Variants in NXPE4 observed in about 807,000 individuals in gnomAD.
The protein encoded by NXPE4 is neurexophilin and PC-esterase domain family member 4, also known as NXPE family member 4.
A neutral mutation model predicts 33.3 loss-of-function variants in NXPE4; 42 were observed. That is an observed-to-expected ratio of 1.26 (90% CI 0.98 to 1.63). The LOEUF (loss-of-function observed/expected upper bound fraction) is 1.63. Among genes scored for constraint, NXPE4 ranks in the 40% most tolerant of loss-of-function variants. NXPE4 has a pLI of 0.00. For synonymous variants in NXPE4, 253 were observed against 234.9 expected, an observed-to-expected ratio of 1.08 and a Z score of -0.71; for missense variants, 709 against 647.6, an observed-to-expected ratio of 1.09 and a Z score of -1.03.
the NXPE4 span, among the ~76,000 whole-genome samples, chr11:114,609,734 G>A: frequency 6.6e-6 from 1 of 151,138 alleles, no homozygotes; most frequent in Admixed American, 6.6e-5. Context: ...ATTGCCTCAT[G>A]GATAACCACT....
At chr11:114,671,279 G>C in the NXPE4 span, among the ~76,000 whole-genome samples, 1 of 151,224 alleles carries the variant, frequency 6.6e-6, no homozygotes, top group Non-Finnish European at 1.5e-5. Flanking sequence ...AATATAAATA[G>C]ATCTTTAGAG....
At chr11:114,591,163 A>G (rs1949442767) in intron 2 of NXPE4, among the ~76,000 whole-genome samples, 1 of 152,216 alleles carries the variant, frequency 6.6e-6, no homozygotes, top group Non-Finnish European at 1.5e-5. Flanking sequence ...GAATGATGTT[A>G]TTGAAAGTGC....
the NXPE4 span, among the ~76,000 whole-genome samples, chr11:114,609,462 G>A: frequency 7.2e-5 from 11 of 151,968 alleles, no homozygotes; most frequent in African/African-American, 2.4e-4. Context: ...TTACCCAATG[G>A]ATAATAAGTG....
the NXPE4 span, among the ~76,000 whole-genome samples, chr11:114,613,219 T>C: frequency 2.6e-4 from 39 of 151,958 alleles, no homozygotes; most frequent in African/African-American, 8.9e-4. Flanking sequence ...ATAATACTTG[T>C]TGCCTCGAGG....
the NXPE4 span, among the ~76,000 whole-genome samples, chr11:114,616,523 G>T: frequency 1.6e-4 from 24 of 150,498 alleles, no homozygotes; most frequent in Non-Finnish European, 2.2e-4. Context: ...TGTATTGTCT[G>T]GTGGGTAACC....
chr11:114,662,889 G>T, the NXPE4 span, among the ~76,000 whole-genome samples: 1 of 152,104 alleles, frequency 6.6e-6, no homozygotes, highest in East Asian at 1.9e-4. Flanking sequence ...TTGAATAACC[G>T]GCAGCAATAC....
the NXPE4 span, among the ~76,000 whole-genome samples, chr11:114,662,565 G>A: frequency 3.9e-5 from 6 of 152,080 alleles, no homozygotes; most frequent in Middle Eastern, 3.2e-3. Flanking sequence ...CACCAGCTGC[G>A]GTGGCTAAGG....
intron 2 of NXPE4, among the ~76,000 whole-genome samples, chr11:114,593,165 G>T (rs1461757908): frequency 6.6e-6 from 1 of 152,018 alleles, no homozygotes; most frequent in Non-Finnish European, 1.5e-5. Context: ...GAAAAGCAAA[G>T]ATAGACAAAT....
intron 2 of NXPE4, among the ~76,000 whole-genome samples, chr11:114,590,003 T>G (rs930872448): frequency 6.6e-6 from 1 of 152,240 alleles, no homozygotes; most frequent in African/African-American, 2.4e-5. Flanking sequence ...TTCTGCATAC[T>G]GTTACATCCT....
At chr11:114,636,378 G>A in the NXPE4 span, among the ~76,000 whole-genome samples, 4 of 151,174 alleles carry the variant, frequency 2.6e-5, no homozygotes, top group African/African-American at 7.3e-5. Context: ...GTCTGCTAGC[G>A]GTCTATCAAT....
chr11:114,641,509 A>T, the NXPE4 span, among the ~76,000 whole-genome samples: 35 of 152,216 alleles, frequency 2.3e-4, 1 homozygote, highest in East Asian at 4.6e-3. Flanking sequence ...CCACCAAATT[A>T]TATTGAGAGG....
the NXPE4 span, among the ~76,000 whole-genome samples, chr11:114,641,242 T>C: frequency 1.3e-5 from 2 of 151,940 alleles, no homozygotes; most frequent in South Asian, 2.1e-4. Context: ...TTTAAAAATA[T>C]GGAGGAAAGA....
At chr11:114,571,527 G>T in intron 5 of NXPE4, 54 bp from the exon 6 acceptor site, 1 of 1,422,542 alleles carries the variant, frequency 7.0e-7, no homozygotes, top group South Asian at 1.4e-5. Context: ...TACCAAGATT[G>T]AGTAGATATA....
At chr11:114,652,305 C>T in the NXPE4 span, among the ~76,000 whole-genome samples, 55 of 152,178 alleles carry the variant, frequency 3.6e-4, no homozygotes, top group African/African-American at 1.3e-3. Context: ...GCATCCTGTT[C>T]CTTCCTACCC....
chr11:114,602,313 T>C, the NXPE4 span, among the ~76,000 whole-genome samples: 2 of 114,606 alleles, frequency 1.7e-5, no homozygotes, highest in Non-Finnish European at 3.4e-5. Flanking sequence ...CTATATATAA[T>C]ATATATTATA....
In NXPE4 at chr11:114,571,452, T is replaced by C. The variant is rs757711215; in HGVS notation, c.1121A>G (p.His374Arg). 6.2e-7 allele frequency: 1 copy of C among 1,608,994 alleles called. No homozygotes were observed. Reference protein sequence around the residue: ...SINTLKSVDLHESGKLQHQLA... With the variant: ...SINTLKSVDLRESGKLQHQLA... ...CTGGTGTTGCAATTTTCCAGATTCA[T>C]GCAGATCCACTGACTTCAGTGCTGA... The change falls in exon 6 of 6, where the codon CAT becomes CGT. Residue 374 changes from histidine (H) to arginine (R), a missense_variant. His to Arg is a conservative substitution (Grantham distance 29). Coordinates refer to ENST00000375478, the MANE Select transcript of NXPE4 (RefSeq NM_001077639.2).
the NXPE4 span, among the ~76,000 whole-genome samples, chr11:114,642,552 A>T: frequency 1.3e-5 from 2 of 151,940 alleles, no homozygotes; most frequent in Admixed American, 6.6e-5. Context: ...GCTGAGAATG[A>T]TGGTTTCCAG....
At chr11:114,577,058 CATAT>C (rs1240336188) in intron 5 of NXPE4, among the ~76,000 whole-genome samples, 73 of 29,902 alleles carry the variant, frequency 2.4e-3, no homozygotes, top group South Asian at 0.01. Context: ...TATATATATA[CATAT>C]ATATATATAA....
the NXPE4 span, among the ~76,000 whole-genome samples, chr11:114,630,192 C>G: frequency 6.6e-6 from 1 of 151,600 alleles, no homozygotes; most frequent in African/African-American, 2.4e-5. Context: ...CATATGGAAC[C>G]AAAAAAGAGC....
Sources: gnomAD v4.1 joint callset for allele counts (sites outside exome capture counted in the v4.1 genomes callset) on GRCh38, gnomAD v4.1.1 for gene constraint, MANE v1.5 for transcripts, NCBI Gene and HGNC (gene_info 2026-07-23, HGNC 2026-07-21) for gene names.